SETX: variants seen among roughly 807,000 people sequenced by gnomAD.
SETX encodes the protein senataxin, also known as helicase senataxin.
Under a neutral mutation model 227.2 loss-of-function variants are expected in SETX, and 90 were observed. That is an observed-to-expected ratio of 0.40 (90% confidence interval 0.33 to 0.47). The LOEUF (loss-of-function observed/expected upper bound fraction) is 0.47. SETX is among the 20% of genes least tolerant of loss of function. SETX has a pLI of 0.91. For synonymous variants in SETX, 1,210 were observed against 1,113.2 expected (o/e 1.09, Z -1.73); for missense variants, 3,052 against 3,181.5 (o/e 0.96, Z 0.98).
Position 132,266,022 on chromosome 9 carries a change from C to T in SETX, c.7288-1037G>A, listed in dbSNP as rs115682514. 1.5e-3 allele frequency: 232 copies of T among 152,242 alleles called. 1 individual carries two copies. The highest frequency in any genetic ancestry group is 5.3e-3 in the African/African-American group (220 of 41,536). The allele number at this position is 152,242 out of a possible 1,614,324, so 9.4% of individuals were successfully genotyped here. A position where few individuals can be genotyped will look rare whatever the true frequency, so the allele number is the denominator to read the frequency against. On this transcript the variant is annotated intron_variant, in intron 25 of 25. Coordinates refer to ENST00000224140, the MANE Select transcript of SETX (RefSeq NM_015046.7). The stretch of plus-strand genomic sequence containing the variant: ...CGGGAAAGTTGCCAAACACATGCAC[C>T]TCTCCTCTCTTCCCGAGTTTCTTCA...
chr9:132,299,865 G>A (rs1282711284), intron 12 of SETX, among the ~76,000 whole-genome samples: 1 of 152,040 alleles, frequency 6.6e-6, no homozygotes, highest in Non-Finnish European at 1.5e-5. Flanking sequence ...AGTCTCGGCT[G>A]GGCGCGGTGG....
At chr9:132,277,290 CG>C (rs1843215696) in intron 21 of SETX, 138 bp from the exon 22 acceptor site, 2 of 733,976 alleles carry the variant, frequency 2.7e-6, no homozygotes. Context: ...CTTTTCTAGA[CG>C]TGTATTAGTG....
intron 11 of SETX, among the ~76,000 whole-genome samples, chr9:132,310,789 CCT>C (rs1845603517): frequency 6.6e-6 from 1 of 152,190 alleles, no homozygotes. Context: ...ACAAATCCCT[CCT>C]CCTCTTCATC....
At chr9:132,335,857 A>G (rs1429927826) in intron 6 of SETX, among the ~76,000 whole-genome samples, 2 of 152,208 alleles carry the variant, frequency 1.3e-5, no homozygotes, top group African/African-American at 4.8e-5. Flanking sequence ...AGTCAACTTA[A>G]TGACAGAATA....
In SETX at chr9:132,328,161, C is replaced by T. The variant is rs776505431; in HGVS notation, c.3437G>A (p.Ser1146Asn). ...TTCACAAAATTCTTCAACAGAAATA[C>T]TCCGTGGTCTTGTGTGTTCTTCAAT... Reference protein sequence around the residue: ...EGIEEHTRPRSISVEEFCEIE... With the variant: ...EGIEEHTRPRNISVEEFCEIE... The change falls in exon 10 of 26, where the codon AGT becomes AAT. Residue 1146 changes from serine to asparagine, a missense_variant. Transcript: ENST00000224140. The T allele has an allele frequency of 1.9e-6, 3 of 1,614,060 alleles. No individual in the cohort carries two copies. The highest frequency in any genetic ancestry group is 2.5e-6 in the Non-Finnish European group (3 of 1,180,032).
At chr9:132,308,237 C>T (rs1221365497) in intron 11 of SETX, among the ~76,000 whole-genome samples, 6 of 152,090 alleles carry the variant, frequency 3.9e-5, no homozygotes, top group African/African-American at 1.2e-4. Context: ...TGGAACATAC[C>T]ACCAACTATA....
chr9:132,350,093 C>T (rs902871715), intron 2 of SETX, among the ~76,000 whole-genome samples: 1 of 150,262 alleles, frequency 6.7e-6, no homozygotes, highest in African/African-American at 2.5e-5. Flanking sequence ...TGGCTCATGC[C>T]TGTAAGCCCA....
chr9:132,286,830 G>T (rs1843930829), intron 17 of SETX, among the ~76,000 whole-genome samples: 1 of 152,204 alleles, frequency 6.6e-6, no homozygotes, highest in Non-Finnish European at 1.5e-5. Context: ...CACAGGCCTG[G>T]CCAATCATGC....
At position 132,328,489 on chromosome 9, in the gene SETX, C is replaced by T. The variant is rs569757584; in HGVS notation, c.3109G>A (p.Asp1037Asn). 3 of 1,613,778 alleles carry T rather than the reference C, an allele frequency of 1.9e-6. No individual in the cohort carries two copies. Among genetic ancestry groups the T allele is most frequent in the African/African-American group, 2.7e-5 (2 of 75,024 alleles). The change falls in exon 10 of 26, where the codon GAC becomes AAC. Residue 1037 changes from aspartate to asparagine, a missense_variant. Coordinates refer to ENST00000224140, the MANE Select transcript of SETX (RefSeq NM_015046.7). ...TGTTCCCTCTCAAGGCATATTTTGT[C>T]CTGTTTAGTGAGTTTCTCAAGACTC... ...ILSLEKLTKQ[D>N]KICLEREHPE...
intron 15 of SETX, among the ~76,000 whole-genome samples, chr9:132,289,574 C>T (rs1297912692): frequency 6.6e-6 from 1 of 152,142 alleles, no homozygotes; most frequent in Non-Finnish European, 1.5e-5. Flanking sequence ...CCCCAACACT[C>T]TTAACTGCAG....
chr9:132,331,231 T>C, intron 8 of SETX, 46 bp downstream of exon 8: 1 of 1,612,102 alleles, frequency 6.2e-7, no homozygotes. Context: ...TGGAACACAC[T>C]TTCTTATAGA....
In SETX at chr9:132,288,251, A is replaced by C; in HGVS notation, c.6309T>G (p.Gly2103=). The C allele has an allele frequency of 1.9e-6, 3 of 1,613,954 alleles. No individual in the cohort carries two copies. Among genetic ancestry groups the C allele is most frequent in the Non-Finnish European group, 2.5e-6 (3 of 1,179,856 alleles). ...ELSRQRALCR[G]GREIQRQELD... Reference sequence around the variant, plus strand: ...GCAAAGATACCTGTATTTCCCGTCCACCTCGGCATAGAGCTCGCTGCCGGG... The same window carrying C: ...GCAAAGATACCTGTATTTCCCGTCCCCCTCGGCATAGAGCTCGCTGCCGGG... The change falls in exon 17 of 26, where the codon GGT becomes GGG. Residue 2103 remains glycine (G), a synonymous_variant. Coordinates refer to ENST00000224140, the MANE Select transcript of SETX (RefSeq NM_015046.7).
chr9:132,297,653 ATAGT>A (rs780328935), intron 13 of SETX, among the ~76,000 whole-genome samples: 7 of 152,366 alleles, frequency 4.6e-5, no homozygotes, highest in East Asian at 3.9e-4. Flanking sequence ...GAGTTTCTAA[ATAGT>A]TAGTTTCCTT....
At chr9:132,334,555 A>C in intron 7 of SETX, 53 bp downstream of exon 7, 2 of 1,600,426 alleles carry the variant, frequency 1.2e-6, no homozygotes, top group Non-Finnish European at 1.7e-6. Context: ...ATCATTTTTA[A>C]AGTGCATCAT....
chr9:132,286,776 A>C (rs1257807409), intron 17 of SETX, among the ~76,000 whole-genome samples: 3 of 152,210 alleles, frequency 2.0e-5, no homozygotes, highest in African/African-American at 7.2e-5. Context: ...GAGGCTGTAA[A>C]TCACACCCCA....
At chr9:132,287,817 T>C (rs953806980) in intron 17 of SETX, among the ~76,000 whole-genome samples, 1 of 149,466 alleles carries the variant, frequency 6.7e-6, no homozygotes, top group African/African-American at 2.5e-5. Context: ...ACATTTTTAG[T>C]GTCTTAGTAC....
chr9:132,300,548 A>T, intron 12 of SETX, 82 bp downstream of exon 12: 1 of 1,423,848 alleles, frequency 7.0e-7, no homozygotes, highest in South Asian at 1.2e-5. Context: ...TATCAAATAC[A>T]CTTGATATAC....
In SETX at chr9:132,327,802, G is replaced by T. The variant is rs751603620; in HGVS notation, c.3796C>A (p.Pro1266Thr). The change falls in exon 10 of 26, where the codon CCT becomes ACT. Residue 1266 changes from proline (P) to threonine (T), a missense_variant. Pro to Thr is a conservative substitution (Grantham distance 38, BLOSUM62 -1). This residue lies in a region of SETX where 1,483 missense variants were observed against 1,312.0 expected (regional missense o/e 1.13). Transcript: ENST00000224140. ...SSNYLSCRTTPAIVPPKKFRQ... is the reference protein window; with the variant it reads ...SSNYLSCRTTTAIVPPKKFRQ... ...AATTTCTTTGGCGGCACTATAGCAGGAGTTGTTCTACAACTTAGGTAATTT... is the reference window on the plus strand; with the variant it reads ...AATTTCTTTGGCGGCACTATAGCAGTAGTTGTTCTACAACTTAGGTAATTT... 2.5e-6 allele frequency: 4 copies of T among 1,614,048 alleles called. No individual in the cohort carries two copies. Among genetic ancestry groups the T allele is most frequent in the East Asian group, 2.2e-5 (1 of 44,894 alleles).
At position 132,328,204 on chromosome 9, in the gene SETX, T is replaced by C. The variant is rs1169215852; in HGVS notation, c.3394A>G (p.Lys1132Glu). The C allele has an allele frequency of 1.9e-6, 3 of 1,614,196 alleles. No homozygotes were observed. Residue 1132 changes from lysine (K) to glutamate (E), a missense_variant, in exon 10 of 26, where the codon AAA (lysine) becomes GAA (glutamate). By Grantham distance (56) the Lys-to-Glu change is moderately conservative. This residue lies in a region of SETX where 1,483 missense variants were observed against 1,312.0 expected (regional missense o/e 1.13). Transcript: ENST00000224140. ...TCTTCAATGCCCTCTGCTCCTTTTTTAACAACTTCAGATACATAATCTGTA... is the reference window on the plus strand; with the variant it reads ...TCTTCAATGCCCTCTGCTCCTTTTTCAACAACTTCAGATACATAATCTGTA... The part of the protein sequence containing the change: ...GCTDYVSEVV[K>E]KGAEGIEEHT...
Sources: gnomAD v4.1 joint callset for allele counts (sites outside exome capture counted in the v4.1 genomes callset) on GRCh38, gnomAD v4.1.1 for gene constraint, gnomAD v4.1.1 regional missense constraint, MANE v1.5 for transcripts, NCBI Gene and HGNC (gene_info 2026-07-23, HGNC 2026-07-21) for gene names.